NEMP1: variants seen among roughly 807,000 people sequenced by gnomAD.
NEMP1 encodes the protein transmembrane protein 194.
NEMP1 carries 29 observed loss-of-function variants against 53.7 expected under a neutral mutation model. The ratio of observed to expected loss-of-function variants is 0.54; its 90% CI spans 0.40 to 0.74. The LOEUF (loss-of-function observed/expected upper bound fraction) is 0.74, where lower values mean the gene tolerates loss of function less well. Ranked by LOEUF, NEMP1 falls within the 30% of genes least tolerant of loss-of-function variation. The pLI is 0.00. For synonymous variants in NEMP1, 193 were observed against 192.9 expected, an observed-to-expected ratio of 1.00 and a Z score of 0.00; for missense variants, 477 against 528.6, an observed-to-expected ratio of 0.90 and a Z score of 0.96.
At chr12:57,071,656 G>A (rs546914976) in intron 2 of NEMP1, among the ~76,000 whole-genome samples, 25 of 152,298 alleles carry the variant, frequency 1.6e-4, no homozygotes, top group Admixed American at 7.2e-4. Context: ...TGAGATTACA[G>A]GCATGAGCCA....
chr12:57,080,172 C>T (rs2032802139), upstream of NEMP1, among the ~76,000 whole-genome samples: 1 of 152,112 alleles, frequency 6.6e-6, no homozygotes, highest in Non-Finnish European at 1.5e-5. Flanking sequence ...TGCTATGTTG[C>T]CCAGGCTGAC....
chr12:57,058,948 C>A lies in NEMP1; in HGVS notation c.*931G>T, dbSNP rs1024443360. 1 of 152,180 alleles carries A rather than the reference C, an allele frequency of 6.6e-6. No individual in the cohort carries two copies. Among genetic ancestry groups the A allele is most frequent in the African/African-American group, 2.4e-5 (1 of 41,428 alleles). The allele number at this position is 152,180 out of a possible 1,614,324, so 9.4% of individuals were successfully genotyped here. The stretch of plus-strand genomic sequence containing the variant: ...GAGAACGTATAAAAAGCATCCAAAT[C>A]CCCTAAACAAGATGACTTCTCCTAG... On this transcript the variant is annotated 3_prime_UTR_variant, in exon 9 of 9. Transcript: ENST00000300128.
chr12:57,064,021 T>G, intron 6 of NEMP1, 50 bp downstream of exon 6: 1 of 1,108,876 alleles, frequency 9.0e-7, no homozygotes, highest in Non-Finnish European at 1.3e-6. Context: ...TCAAATTAAC[T>G]GAAACAGCCT....
chr12:57,076,631 C>T (rs1179037993), intron 1 of NEMP1, among the ~76,000 whole-genome samples: 1 of 149,854 alleles, frequency 6.7e-6, no homozygotes, highest in Non-Finnish European at 1.5e-5. Flanking sequence ...CCTGGTGAAA[C>T]CCCGTCTGTA....
Position 57,064,727 on chromosome 12 carries a change from G to C in NEMP1, c.558C>G (p.Phe186Leu), listed in dbSNP as rs1201064206. Reference protein sequence around the residue: ...CGDLLSRSQIFYYSTGMTVGI... With the variant: ...CGDLLSRSQILYYSTGMTVGI... Reference sequence around the variant, plus strand: ...CCACAGTCATCCCAGTAGAGTAGTAGAAAATTTGACTTCTGCAGGAAAAAA... The same window carrying C: ...CCACAGTCATCCCAGTAGAGTAGTACAAAATTTGACTTCTGCAGGAAAAAA... Residue 186 changes from phenylalanine (F) to leucine (L), a missense_variant, in exon 5 of 9, where the codon TTC (phenylalanine) becomes TTG (leucine). Phe to Leu is a conservative substitution (Grantham distance 22, BLOSUM62 0). Transcript: ENST00000300128. 6.2e-7 allele frequency: 1 copy of C among 1,611,664 alleles called. No homozygotes were observed. Among genetic ancestry groups the C allele is most frequent in the African/African-American group, 1.3e-5 (1 of 74,810 alleles).
At chr12:57,077,533 T>A (rs1169539773) in intron 1 of NEMP1, among the ~76,000 whole-genome samples, 1 of 151,954 alleles carries the variant, frequency 6.6e-6, no homozygotes, top group African/African-American at 2.4e-5. Flanking sequence ...AAAAAAAGAA[T>A]TTTAAATTAC....
At chr12:57,088,353 G>A (rs1046316781), upstream of NEMP1, among the ~76,000 whole-genome samples, 4 of 152,298 alleles carry the variant, frequency 2.6e-5, no homozygotes, top group Middle Eastern at 3.4e-3. Context: ...GACCCCCTCA[G>A]ATTATTCCAT....
chr12:57,059,911 G>GA lies in NEMP1; in HGVS notation c.1302dup (p.Pro435SerfsTer54). The GA allele has an allele frequency of 6.2e-7, 1 of 1,613,568 alleles. No individual in the cohort carries two copies. Among genetic ancestry groups the GA allele is most frequent in the Non-Finnish European group, 8.5e-7 (1 of 1,179,850 alleles). On this transcript the variant is annotated frameshift_variant, in exon 9 of 9. Coordinates refer to ENST00000300128, the MANE Select transcript of NEMP1 (RefSeq NM_001130963.2). LOFTEE classifies it high-confidence loss of function. ...AGAAAGTTGTTCTGTGTGATAGCAGGACACCGAGAATATGAGTCCTCCTCC... is the reference window on the plus strand; with the variant it reads ...AGAAAGTTGTTCTGTGTGATAGCAGGAACACCGAGAATATGAGTCCTCCTCC...
In NEMP1 at chr12:57,069,292, G is replaced by T; in HGVS notation, c.487C>A (p.Leu163Ile). ...VIVIRRFDPK[L>I]FLVFLLGLML... The stretch of plus-strand genomic sequence containing the variant: ...AGTCCAAGAAGGAAAACAAGAAAGA[G>T]TTTGGGATCAAATCCTGAAATAAAT... The change falls in exon 4 of 9, where the codon CTC (leucine) becomes ATC (isoleucine). Residue 163 changes from leucine to isoleucine, a missense_variant. Transcript: ENST00000300128. 6.5e-7 allele frequency: 1 copy of T among 1,545,434 alleles called. No homozygotes were observed. Among genetic ancestry groups the T allele is most frequent in the Admixed American group, 2.0e-5 (1 of 49,300 alleles).
intron 1 of NEMP1, among the ~76,000 whole-genome samples, chr12:57,073,601 G>T (rs940421023): frequency 1.5e-3 from 228 of 152,158 alleles, no homozygotes; most frequent in Non-Finnish European, 4.1e-4. Context: ...CCGAGATCAC[G>T]CCATTGCACC....
chr12:57,087,261 C>T (rs945989822), intron 1 of NEMP1, among the ~76,000 whole-genome samples: 7 of 152,194 alleles, frequency 4.6e-5, no homozygotes, highest in African/African-American at 1.7e-4. Flanking sequence ...GGGCGGGCGT[C>T]TCCCTCCAGA....
chr12:57,081,176 C>A (rs1429724244), upstream of NEMP1, among the ~76,000 whole-genome samples: 1 of 152,182 alleles, frequency 6.6e-6, no homozygotes, highest in Admixed American at 6.5e-5. Context: ...CCAATAGAGG[C>A]ATCCTACAAA....
Position 57,057,069 on chromosome 12 carries a change from C to T in NEMP1, c.*2810G>A, listed in dbSNP as rs2031560591. 6.6e-6 allele frequency: 1 copy of T among 152,174 alleles called. No individual in the cohort carries two copies. The highest frequency in any genetic ancestry group is 6.5e-5 in the Admixed American group (1 of 15,278). The allele number at this position is 152,174 out of a possible 1,614,324, so 9.4% of individuals were successfully genotyped here. On this transcript the variant is annotated 3_prime_UTR_variant, in exon 9 of 9. Coordinates refer to ENST00000300128, the MANE Select transcript of NEMP1 (RefSeq NM_001130963.2). ...CCTGTGTTCTGTTGGTCTCTTGAAGCAATCTGAGTGGGAAAGGAAAGTGAA... is the reference window on the plus strand; with the variant it reads ...CCTGTGTTCTGTTGGTCTCTTGAAGTAATCTGAGTGGGAAAGGAAAGTGAA...
At chr12:57,084,638 T>G (rs1228206368) in intron 1 of NEMP1, among the ~76,000 whole-genome samples, 1 of 152,174 alleles carries the variant, frequency 6.6e-6, no homozygotes, top group Non-Finnish European at 1.5e-5. Context: ...ATGCCATGAG[T>G]CTTTGTTTCC....
intron 4 of NEMP1, among the ~76,000 whole-genome samples, chr12:57,067,675 C>T (rs989225195): frequency 6.6e-6 from 1 of 152,194 alleles, no homozygotes; most frequent in Non-Finnish European, 1.5e-5. Flanking sequence ...GAGACTGATG[C>T]TATGTAGTTA....
At chr12:57,080,360 A>G (rs1384149383), upstream of NEMP1, among the ~76,000 whole-genome samples, 1 of 151,808 alleles carries the variant, frequency 6.6e-6, no homozygotes, top group Admixed American at 6.6e-5. Context: ...GGGTGGATCA[A>G]CTGAGGTCAG....
chr12:57,063,075 C>A, intron 7 of NEMP1, 44 bp downstream of exon 7: 1 of 1,496,580 alleles, frequency 6.7e-7, no homozygotes, highest in South Asian at 1.1e-5. Context: ...AACTGCATCC[C>A]ACAATGTACC....
upstream of NEMP1, chr12:57,078,873 ACCCAGCC>A: frequency 2.8e-6 from 3 of 1,085,116 alleles, no homozygotes; most frequent in Non-Finnish European, 4.0e-6. Flanking sequence ...GGCTTCGAGC[ACCCAGCC>A]CTCCAAGGGC....
chr12:57,063,352 A>G lies in NEMP1; in HGVS notation c.755-8T>C. 6.2e-7 allele frequency: 1 copy of G among 1,608,554 alleles called. No homozygotes were observed. The highest frequency in any genetic ancestry group is 8.5e-7 in the Non-Finnish European group (1 of 1,175,036). On this transcript the variant is annotated splice_region_variant and splice_polypyrimidine_tract_variant and intron_variant, in intron 6 of 8. Coordinates refer to ENST00000300128, the MANE Select transcript of NEMP1 (RefSeq NM_001130963.2). ...CAACTGTGAGGACATAACCTATGAG[A>G]AGAGTTATCAGAAGACATTCTTTTT...
Sources: allele counts gnomAD v4.1 joint callset (sites outside exome capture counted in the v4.1 genomes callset), GRCh38; gene constraint gnomAD v4.1.1; transcripts MANE v1.5; gene names NCBI Gene and HGNC (gene_info 2026-07-23, HGNC 2026-07-21).